SNED1: variants seen among roughly 807,000 people sequenced by gnomAD.
The protein encoded by SNED1 is sushi, nidogen and EGF like domains 1.
In SNED1, 81 loss-of-function variants were observed where a neutral mutation model predicts 166.7. The ratio of observed to expected loss-of-function variants is 0.49; its 90% CI spans 0.41 to 0.58. The LOEUF is 0.58. SNED1 is among the 20% of genes least tolerant of loss of function. SNED1 has a pLI of 0.00. For synonymous variants in SNED1, 762 were observed against 822.0 expected (o/e 0.93, Z 1.25); for missense variants, 1,604 against 2,000.2 (o/e 0.80, Z 3.78).
At chr2:241,035,980 G>T (rs1229586301) in intron 4 of SNED1, among the ~76,000 whole-genome samples, 1 of 100,520 alleles carries the variant, frequency 9.9e-6, no homozygotes, top group Non-Finnish European at 2.0e-5. Context: ...TAGTAGGGGT[G>T]GGGGGCGGAG....
rs1330669178 is a variant in SNED1, at chr2:241,051,944, T to G, written c.1852+84T>G. On this transcript the variant is annotated intron_variant, in intron 13 of 31. Coordinates refer to ENST00000310397, the MANE Select transcript of SNED1 (RefSeq NM_001080437.3). The surrounding 1 kb of genome is among the most constrained non-coding windows in gnomAD (Gnocchi z 4.7). ...CCCCTGATGCACCCTCCCTGCCAGC[T>G]GTGGGTCTGCTTCTCATGAAGAGGC... The G allele has an allele frequency of 6.8e-7, 1 of 1,473,094 alleles. No homozygotes were observed. The highest frequency in any genetic ancestry group is 1.4e-5 in the African/African-American group (1 of 71,850). 91.3% of individuals were successfully genotyped at this position (1,473,094 alleles called of 1,614,324 possible).
chr2:241,012,825 CT>C (rs59199140), intron 1 of SNED1, among the ~76,000 whole-genome samples: 23,499 of 134,732 alleles, frequency 0.17, 2,713 homozygotes, highest in East Asian at 0.64. Context: ...TTTTTTTTTT[CT>C]TTTTTTTTTT....
chr2:241,049,965 C>T (rs1407644042), intron 12 of SNED1, 32 bp downstream of exon 12: 2 of 1,550,354 alleles, frequency 1.3e-6, no homozygotes, highest in East Asian at 2.2e-5. Flanking sequence ...GGGCCGGCGT[C>T]AGCACCCTGG....
In SNED1 at chr2:241,051,936, C is replaced by T; in HGVS notation, c.1852+76C>T. The T allele has an allele frequency of 1.4e-6, 2 of 1,471,014 alleles. No individual in the cohort carries two copies. The highest frequency in any genetic ancestry group is 1.9e-6 in the Non-Finnish European group (2 of 1,076,874). 91.1% of individuals were successfully genotyped at this position (1,471,014 alleles called of 1,614,324 possible). ...AGCTGGGGCCCCTGATGCACCCTCC[C>T]TGCCAGCTGTGGGTCTGCTTCTCAT... is the stretch of plus-strand genomic sequence containing the variant. On this transcript the variant is annotated intron_variant, in intron 13 of 31. Coordinates refer to ENST00000310397, the MANE Select transcript of SNED1 (RefSeq NM_001080437.3). This position sits in a 1 kb window ranked among gnomAD's most constrained non-coding sequence, Gnocchi z 4.7.
chr2:241,015,586 C>A (rs939167448), intron 1 of SNED1: 9 of 153,638 alleles, frequency 5.9e-5, no homozygotes, highest in African/African-American at 2.2e-4. Flanking sequence ...CTTTGTGACA[C>A]ATTTTTGTGT....
chr2:241,072,169 G>A, intron 26 of SNED1: 1 of 654,228 alleles, frequency 1.5e-6, no homozygotes, highest in Non-Finnish European at 2.8e-6. Context: ...AAGCAGGTCT[G>A]AGACATTACA....
chr2:241,074,448 AAAAC>A (rs140109286), intron 27 of SNED1: 1 of 152,194 alleles, frequency 6.6e-6, no homozygotes, highest in Non-Finnish European at 1.5e-5. Flanking sequence ...TAAGTGAACT[AAAAC>A]AAACATTTCA....
chr2:241,089,962 AG>A, intron 31 of SNED1: 1 of 1,545,486 alleles, frequency 6.5e-7, no homozygotes, highest in Non-Finnish European at 8.7e-7. Flanking sequence ...TAGATATAAA[AG>A]ATAAAAAATG....
chr2:241,089,392 TC>T, intron 31 of SNED1: 1 of 1,550,548 alleles, frequency 6.4e-7, no homozygotes. Flanking sequence ...GAAATGTCAT[TC>T]AGGAACCTTT....
chr2:241,011,514 G>A (rs1044688029), intron 1 of SNED1, among the ~76,000 whole-genome samples: 3 of 152,336 alleles, frequency 2.0e-5, no homozygotes, highest in Non-Finnish European at 2.9e-5. Context: ...GTTCCTCTAC[G>A]AGTGCTCAGG....
chr2:241,080,666 G>C (rs2063284582), intron 27 of SNED1, among the ~76,000 whole-genome samples: 1 of 152,248 alleles, frequency 6.6e-6, no homozygotes, highest in Non-Finnish European at 1.5e-5. Context: ...TTGAGCATCA[G>C]GAAAACAACT....
chr2:241,040,015 T>C, intron 6 of SNED1, 60 bp from the exon 7 acceptor site: 1 of 1,338,614 alleles, frequency 7.5e-7, no homozygotes, highest in South Asian at 1.3e-5. Context: ...CAGGGGTTTC[T>C]GTCCCCTCAG....
chr2:241,024,235 C>CTTTTTTTTTTTTTT (rs10664618), intron 1 of SNED1, among the ~76,000 whole-genome samples: 3 of 46,938 alleles, frequency 6.4e-5, no homozygotes, highest in African/African-American at 1.7e-4. Context: ...ACTCTACTAC[C>CTTTTTTTTTTTTTT]TTTTTTTTTT....
intron 1 of SNED1, among the ~76,000 whole-genome samples, chr2:241,014,686 C>G (rs2060523775): frequency 6.6e-6 from 1 of 152,144 alleles, no homozygotes; most frequent in Admixed American, 6.5e-5. Flanking sequence ...TCTCATTCTG[C>G]ACTCGTTTCA....
At position 241,051,034 on chromosome 2, in the gene SNED1, G is replaced by A. The variant is rs13387356; in HGVS notation, c.1736-710G>A. ...GGGACAAGGATGGCTGTCCTCAGGGGTGGGGCAGCCAGAGCTTGGACCTGC... is the reference window on the plus strand; with the variant it reads ...GGGACAAGGATGGCTGTCCTCAGGGATGGGGCAGCCAGAGCTTGGACCTGC... On this transcript the variant is annotated intron_variant, in intron 12 of 31. Transcript: ENST00000310397. This position sits in a 1 kb window ranked among gnomAD's most constrained non-coding sequence, Gnocchi z 4.7. 6.6e-6 allele frequency among the ~76,000 whole-genome samples: 1 copy of A among 152,214 alleles called. No homozygotes were observed. The highest frequency in any genetic ancestry group is 2.4e-5 in the African/African-American group (1 of 41,438).
Position 241,091,091 on chromosome 2 carries a change from A to C in SNED1, c.*2-547A>C, listed in dbSNP as rs1230252061. Among the ~76,000 whole-genome samples, 1 of 152,040 alleles carries C rather than the reference A, an allele frequency of 6.6e-6. No individual in the cohort carries two copies. The highest frequency in any genetic ancestry group is 1.5e-5 in the Non-Finnish European group (1 of 68,016). ...TTTTAAATGCTTGCCTAGCACATCCACTCCCATAAAAACAAATCAGAAACC... is the reference window on the plus strand; with the variant it reads ...TTTTAAATGCTTGCCTAGCACATCCCCTCCCATAAAAACAAATCAGAAACC... On this transcript the variant is annotated intron_variant, in intron 31 of 31. Coordinates refer to ENST00000310397, the MANE Select transcript of SNED1 (RefSeq NM_001080437.3). The surrounding 1 kb of genome is among the most constrained non-coding windows in gnomAD (Gnocchi z 4.1).
In SNED1 at chr2:241,091,341, T is replaced by C. The variant is rs2063969748; in HGVS notation, c.*2-297T>C. On this transcript the variant is annotated intron_variant, in intron 31 of 31. Coordinates refer to ENST00000310397, the MANE Select transcript of SNED1 (RefSeq NM_001080437.3). This position sits in a 1 kb window ranked among gnomAD's most constrained non-coding sequence, Gnocchi z 4.1. ...GGCAGGGAAGAGGAACAGGCTGTGA[T>C]TTCACATTTAAAAGTTGCAATGCTG... 6.6e-6 allele frequency among the ~76,000 whole-genome samples: 1 copy of C among 152,176 alleles called. No individual in the cohort carries two copies. The highest frequency in any genetic ancestry group is 6.5e-5 in the Admixed American group (1 of 15,288).
chr2:241,033,208 T>G (rs2061241581), intron 2 of SNED1, among the ~76,000 whole-genome samples: 1 of 152,218 alleles, frequency 6.6e-6, no homozygotes, highest in African/African-American at 2.4e-5. Flanking sequence ...GTTTCCTGTT[T>G]GTCCCAAGAT....
chr2:241,090,972 A>C (rs999545530), intron 31 of SNED1, among the ~76,000 whole-genome samples: 4 of 152,190 alleles, frequency 2.6e-5, no homozygotes, highest in African/African-American at 9.7e-5. Context: ...TTCATCGTGC[A>C]GTGCCTAACT....
Sources: allele counts gnomAD v4.1 joint callset (sites outside exome capture counted in the v4.1 genomes callset), GRCh38; gene constraint gnomAD v4.1.1; non-coding constraint Gnocchi (gnomAD v3.1); transcripts MANE v1.5; gene names NCBI Gene and HGNC (gene_info 2026-07-23, HGNC 2026-07-21).